CMSS1: variants seen among roughly 807,000 people sequenced by gnomAD.
The protein encoded by CMSS1 is protein CMSS1.
A neutral mutation model predicts 43.5 loss-of-function variants in CMSS1; 33 were observed. That is an observed-to-expected ratio of 0.76 (90% CI 0.57 to 1.01). The LOEUF is 1.01. CMSS1 is among the 50% of genes least tolerant of loss of function. CMSS1 has a pLI of 0.00. For synonymous variants in CMSS1, 115 were observed against 117.2 expected, an observed-to-expected ratio of 0.98 and a Z score of 0.12; for missense variants, 313 against 326.4, an observed-to-expected ratio of 0.96 and a Z score of 0.32.
At chr3:100,012,777 T>G (rs1253906394) in intron 1 of CMSS1, among the ~76,000 whole-genome samples, 4 of 144,964 alleles carry the variant, frequency 2.8e-5, no homozygotes, top group African/African-American at 1.0e-4. Flanking sequence ...TTTTTTTTTT[T>G]TTGGGTTGGG....
chr3:99,832,766 C>T (rs1410400422), intron 1 of CMSS1, among the ~76,000 whole-genome samples: 1 of 143,982 alleles, frequency 6.9e-6, no homozygotes, highest in Non-Finnish European at 1.5e-5. Context: ...CTTGAACCCA[C>T]GAGGCGGAGG....
intron 1 of CMSS1, among the ~76,000 whole-genome samples, chr3:99,989,505 T>C (rs1709449431): frequency 6.6e-6 from 1 of 152,242 alleles, no homozygotes; most frequent in Non-Finnish European, 1.5e-5. Context: ...CTTGACTCCA[T>C]TTCCTTATTG....
chr3:99,841,654 A>G (rs1367494742), intron 1 of CMSS1, among the ~76,000 whole-genome samples: 2 of 152,214 alleles, frequency 1.3e-5, no homozygotes, highest in Non-Finnish European at 2.9e-5. Flanking sequence ...GCGCAATCCC[A>G]TCATAAAAAT....
intron 1 of CMSS1, among the ~76,000 whole-genome samples, chr3:100,140,787 T>C (rs2066797901): frequency 6.6e-6 from 1 of 151,988 alleles, no homozygotes; most frequent in East Asian, 1.9e-4. Context: ...AAATTCCTAA[T>C]ATAAAATTAA....
At chr3:99,947,060 G>T (rs1358702437) in intron 1 of CMSS1, among the ~76,000 whole-genome samples, 2 of 149,254 alleles carry the variant, frequency 1.3e-5, no homozygotes, top group East Asian at 4.0e-4. Context: ...ATCACTTGCA[G>T]CTGGGAGGTA....
At chr3:100,006,693 C>T (rs962399990) in intron 1 of CMSS1, among the ~76,000 whole-genome samples, 10 of 151,782 alleles carry the variant, frequency 6.6e-5, no homozygotes, top group Non-Finnish European at 1.3e-4. Flanking sequence ...TTGCACTCAG[C>T]CCTTAGCATA....
intron 1 of CMSS1, among the ~76,000 whole-genome samples, chr3:99,838,717 A>G (rs561760608): frequency 9.2e-5 from 14 of 152,318 alleles, no homozygotes; most frequent in African/African-American, 3.4e-4. Context: ...GTGACATACT[A>G]ACAGAATGAC....
At chr3:100,134,057 T>G (rs1161070306) in intron 1 of CMSS1, among the ~76,000 whole-genome samples, 1 of 152,192 alleles carries the variant, frequency 6.6e-6, no homozygotes, top group Non-Finnish European at 1.5e-5. Context: ...TTCTCTTCCT[T>G]GGGGTTACAC....
At chr3:100,106,272 T>C (rs953510497) in intron 1 of CMSS1, among the ~76,000 whole-genome samples, 3 of 152,130 alleles carry the variant, frequency 2.0e-5, no homozygotes, top group Non-Finnish European at 4.4e-5. Context: ...TCTCCAGGGA[T>C]TTACACTTGC....
chr3:99,998,632 G>A (rs534507012), intron 1 of CMSS1, among the ~76,000 whole-genome samples: 93 of 152,164 alleles, frequency 6.1e-4, no homozygotes, highest in Non-Finnish European at 1.0e-3. Context: ...GTGCGATCTC[G>A]GCTCACTGCA....
chr3:99,841,268 T>A (rs1416499171), intron 1 of CMSS1, among the ~76,000 whole-genome samples: 2 of 152,262 alleles, frequency 1.3e-5, no homozygotes, highest in African/African-American at 4.8e-5. Context: ...TGTTAATACA[T>A]TGTACCTTTG....
intron 1 of CMSS1, among the ~76,000 whole-genome samples, chr3:99,818,602 TGTG>T (rs779926778): frequency 2.6e-5 from 4 of 152,358 alleles, no homozygotes; most frequent in South Asian, 2.1e-4. Context: ...CTGTATTTCT[TGTG>T]GTCATCATCA....
chr3:100,126,022 A>G (rs1005207449), intron 1 of CMSS1, among the ~76,000 whole-genome samples: 1 of 152,208 alleles, frequency 6.6e-6, no homozygotes, highest in African/African-American at 2.4e-5. Context: ...AAAATAAGAT[A>G]TAACGTCTGT....
At position 99,930,711 on chromosome 3, in the gene CMSS1, A is replaced by G; in HGVS notation, c.64+112668A>G. On this transcript the variant is annotated intron_variant, in intron 1 of 9. Coordinates refer to ENST00000421999, the MANE Select transcript of CMSS1 (RefSeq NM_032359.4). ...CTATTTCTGTGGCAGCAGGAACACC[A>G]AATTCACAAGCAGCCTTCTGTTTGA... 11 of 1,588,152 alleles carry G rather than the reference A, an allele frequency of 6.9e-6. No individual in the cohort carries two copies. In the South Asian group the frequency reaches 1.1e-4, roughly 16 times the overall value.
chr3:100,055,597 C>T (rs1404743693), intron 1 of CMSS1, among the ~76,000 whole-genome samples: 1 of 152,072 alleles, frequency 6.6e-6, no homozygotes, highest in East Asian at 1.9e-4. Flanking sequence ...ATATAAATTA[C>T]CCATTGCTAT....
chr3:100,054,490 TTGTTATGTTATGTTATGTTA>T lies in CMSS1; in HGVS notation c.65-92449_65-92430del, dbSNP rs10668094. Among the ~76,000 whole-genome samples, 707 of 146,184 alleles carry T rather than the reference TTGTTATGTTATGTTATGTTA, an allele frequency of 4.8e-3. 4 individuals are homozygous for T. Among genetic ancestry groups the T allele is most frequent in the Non-Finnish European group, 6.2e-3 (416 of 66,784 alleles). On this transcript the variant is annotated intron_variant, in intron 1 of 9. Transcript: ENST00000421999. Reference sequence around the variant, plus strand: ...TTCGTTCATTATATTATGTTATGTTTTGTTATGTTATGTTATGTTATGTTATGTTATGTTATGTTATGTTA... The same window carrying T: ...TTCGTTCATTATATTATGTTATGTTTTGTTATGTTATGTTATGTTATGTTA...
intron 1 of CMSS1, among the ~76,000 whole-genome samples, chr3:99,822,236 C>T (rs1001502997): frequency 6.6e-6 from 1 of 152,214 alleles, no homozygotes; most frequent in Non-Finnish European, 1.5e-5. Flanking sequence ...TTAGGAATAA[C>T]TGGCATACAG....
chr3:100,083,446 A>G (rs1377978464), intron 1 of CMSS1, among the ~76,000 whole-genome samples: 1 of 152,328 alleles, frequency 6.6e-6, no homozygotes, highest in East Asian at 1.9e-4. Flanking sequence ...GGTGGAGCCC[A>G]GTGATCTGTA....
intron 1 of CMSS1, among the ~76,000 whole-genome samples, chr3:99,983,411 T>A (rs1576619120): frequency 9.2e-6 from 1 of 108,548 alleles, no homozygotes; most frequent in African/African-American, 3.9e-5. Context: ...TATATATATA[T>A]ATATATATGT....
Sources: allele counts gnomAD v4.1 joint callset (sites outside exome capture counted in the v4.1 genomes callset), GRCh38; gene constraint gnomAD v4.1.1; transcripts MANE v1.5; gene names NCBI Gene and HGNC (gene_info 2026-07-23, HGNC 2026-07-21).